UPF2: variants seen among roughly 807,000 people sequenced by gnomAD.
The protein encoded by UPF2 is regulator of nonsense transcripts 2.
UPF2 carries 17 observed loss-of-function variants against 141.4 expected under a neutral mutation model. The observed-to-expected ratio is 0.12, with a 90% CI of 0.08 to 0.18. UPF2 has a LOEUF of 0.18. Among genes scored for constraint, UPF2 ranks in the 10% least tolerant of loss-of-function variants. The pLI is 1.00. For synonymous variants in UPF2, 540 were observed against 498.0 expected, an observed-to-expected ratio of 1.08 and a Z score of -1.12; for missense variants, 1,152 against 1,515.9, an observed-to-expected ratio of 0.76 and a Z score of 3.99.
At chr10:12,038,394 A>T (rs1185429063) in intron 1 of UPF2, among the ~76,000 whole-genome samples, 3 of 150,552 alleles carry the variant, frequency 2.0e-5, no homozygotes, top group Admixed American at 6.7e-5. Context: ...ACACACACAC[A>T]CACACACACA....
At chr10:12,008,710 T>C (rs978168004) in intron 4 of UPF2, among the ~76,000 whole-genome samples, 4 of 150,890 alleles carry the variant, frequency 2.7e-5, no homozygotes, top group Non-Finnish European at 4.4e-5. Flanking sequence ...AGTTCCAAGA[T>C]ACATGTGCAG....
At chr10:12,029,675 T>C in intron 2 of UPF2, 151 bp from the exon 3 acceptor site, 1 of 928,642 alleles carries the variant, frequency 1.1e-6, no homozygotes, top group Non-Finnish European at 1.5e-6. Flanking sequence ...TAAAGACATT[T>C]TACTGGCCAG....
At chr10:11,965,103 G>C (rs758750529) in intron 10 of UPF2, among the ~76,000 whole-genome samples, 11 of 152,116 alleles carry the variant, frequency 7.2e-5, no homozygotes, top group Non-Finnish European at 1.3e-4. Flanking sequence ...TTTCAGATTA[G>C]GAATGCTCAT....
At chr10:12,004,790 A>C in intron 4 of UPF2, 63 bp from the exon 5 acceptor site, 1 of 1,507,848 alleles carries the variant, frequency 6.6e-7, no homozygotes. Context: ...TAAACATGAC[A>C]TAAGTTATTT....
intron 21 of UPF2, among the ~76,000 whole-genome samples, chr10:11,927,388 C>G (rs1267233428): frequency 1.3e-5 from 2 of 152,130 alleles, no homozygotes; most frequent in Non-Finnish European, 2.9e-5. Flanking sequence ...GCAGTTTTTC[C>G]CATTACTTTT....
intron 6 of UPF2, among the ~76,000 whole-genome samples, chr10:12,000,345 A>G (rs1316059913): frequency 1.3e-5 from 2 of 152,164 alleles, no homozygotes; most frequent in Non-Finnish European, 2.9e-5. Flanking sequence ...AGCACTCCCA[A>G]TTCTTGCCTT....
At position 11,999,934 on chromosome 10, in the gene UPF2, T is replaced by C; in HGVS notation, c.1730A>G (p.Asn577Ser). Residue 577 changes from asparagine to serine, a missense_variant, in exon 7 of 22, where the codon AAC becomes AGC. By Grantham distance (46) the Asn-to-Ser change is conservative (BLOSUM62 1). Transcript: ENST00000357604. ...IVDAFLQQLP[N>S]CVNRDLIDKA... is the part of the protein sequence containing the mutation. The stretch of plus-strand genomic sequence containing the variant: ...GTCTATCAGATCTCGGTTGACACAG[T>C]TGGGTAACTGCTGTAGGAAAGCATC... 6.2e-7 allele frequency: 1 copy of C among 1,613,910 alleles called. No individual in the cohort carries two copies. Among genetic ancestry groups the C allele is most frequent in the Non-Finnish European group, 8.5e-7 (1 of 1,179,930 alleles).
Position 12,033,005 on chromosome 10 carries a change from C to T in UPF2, c.365+2054G>A, listed in dbSNP as rs532155706. Among the ~76,000 whole-genome samples, 9 of 152,036 alleles carry T rather than the reference C, an allele frequency of 5.9e-5. No individual in the cohort carries two copies. The South Asian group carries it at 1.9e-3, about 32-fold the overall frequency. ...GTAACAACAGCAATGCCACCATCAC[C>T]CCCCCAAAAATGGGAAGAAAGTAGA... On this transcript the variant is annotated intron_variant, in intron 2 of 21. Transcript: ENST00000357604.
chr10:11,938,861 T>TTTGTTTTTTTTC (rs1564337817), intron 18 of UPF2, among the ~76,000 whole-genome samples: 2 of 73,000 alleles, frequency 2.7e-5, no homozygotes, highest in African/African-American at 1.1e-4. Flanking sequence ...TTGTTTTTTT[T>TTTGTTTTTTTTC]TTTTTTTTTT....
intron 3 of UPF2, among the ~76,000 whole-genome samples, chr10:12,025,819 G>C (rs1834409993): frequency 6.6e-6 from 1 of 152,152 alleles, no homozygotes; most frequent in Admixed American, 6.6e-5. Context: ...TTTCGAGACA[G>C]GGTCTCTCTC....
intron 10 of UPF2, 39 bp from the exon 11 acceptor site, chr10:11,964,164 C>T: frequency 6.8e-7 from 1 of 1,461,836 alleles, no homozygotes; most frequent in Non-Finnish European, 9.5e-7. Context: ...AAAGGCAACT[C>T]TTCAATCCTA....
rs534936485 is a variant in UPF2 at position 11,931,925 on chromosome 10, C to T, written c.3547-143G>A. 2.2e-5 allele frequency: 18 copies of T among 810,916 alleles called. No individual in the cohort carries two copies. The highest frequency in any genetic ancestry group is 1.8e-4 in the African/African-American group (10 of 56,318). The allele number at this position is 810,916 out of a possible 1,614,324, so 50.2% of individuals were successfully genotyped here. On this transcript the variant is annotated intron_variant, in intron 19 of 21. Coordinates refer to ENST00000357604, the MANE Select transcript of UPF2 (RefSeq NM_015542.4). This position sits in a 1 kb window ranked among gnomAD's most constrained non-coding sequence, Gnocchi z 5.9. ...CAGCACTTTGGGAGGCCGAGGCGGG[C>T]GGATCACGAGGTCAAGAGATCAAGA...
chr10:12,022,552 T>C (rs918553427), intron 3 of UPF2, among the ~76,000 whole-genome samples: 3 of 152,208 alleles, frequency 2.0e-5, no homozygotes, highest in African/African-American at 7.2e-5. Flanking sequence ...GTACTACTAC[T>C]ACAGCAAAGT....
rs148524164 is a variant in UPF2 at position 12,032,016 on chromosome 10, G to C, written c.366-2492C>G. On this transcript the variant is annotated intron_variant, in intron 2 of 21. Transcript: ENST00000357604. ...ATTTTAAGAAAGTATGTACAAGGCT[G>C]GGTGCCGTGGCTCACGCCTGTAATC... Among the ~76,000 whole-genome samples, 1,048 of 152,250 alleles carry C rather than the reference G, an allele frequency of 6.9e-3. 7 individuals are homozygous for C. The highest frequency in any genetic ancestry group is 0.011 in the Non-Finnish European group (772 of 68,024).
chr10:12,018,777 AC>A (rs902642858), intron 3 of UPF2, among the ~76,000 whole-genome samples: 1 of 152,042 alleles, frequency 6.6e-6, no homozygotes, highest in Non-Finnish European at 1.5e-5. Context: ...AAATAAATAA[AC>A]CCAAGGATCC....
intron 18 of UPF2, among the ~76,000 whole-genome samples, chr10:11,937,635 A>G (rs1026676070): frequency 1.1e-4 from 17 of 152,188 alleles, no homozygotes; most frequent in African/African-American, 3.9e-4. Flanking sequence ...CTGCAAACAC[A>G]TGACTGATGA....
intron 3 of UPF2, among the ~76,000 whole-genome samples, chr10:12,024,952 A>AAAC (rs1279151585): frequency 4.0e-5 from 6 of 150,238 alleles, no homozygotes; most frequent in Admixed American, 2.7e-4. Context: ...AAAAAAAAAA[A>AAAC]AAAAACACAG....
rs200163094 is a variant in UPF2 at position 12,034,322 on chromosome 10, ATT to A, written c.365+735_365+736del. On this transcript the variant is annotated intron_variant, in intron 2 of 21. Coordinates refer to ENST00000357604, the MANE Select transcript of UPF2 (RefSeq NM_015542.4). ...CATGAAAAAAAGTTTTTATTTTATT[ATT>A]TTATTTTTTTTTTTTTGAGATGCAG... Among the ~76,000 whole-genome samples, 177 of 129,810 alleles carry A rather than the reference ATT, an allele frequency of 1.4e-3. 3 individuals carry two copies. The highest frequency in any genetic ancestry group is 4.8e-3 in the African/African-American group (157 of 32,742). The allele number at this position is 129,810 out of a possible 152,430, so 85.2% of individuals were successfully genotyped here.
intron 21 of UPF2, among the ~76,000 whole-genome samples, chr10:11,922,177 G>T (rs1385081620): frequency 6.6e-6 from 1 of 152,154 alleles, no homozygotes; most frequent in Admixed American, 6.5e-5. Context: ...GGCCTCAGAA[G>T]GAACCAGCCC....
Sources: gnomAD v4.1 joint callset for allele counts (sites outside exome capture counted in the v4.1 genomes callset) on GRCh38, gnomAD v4.1.1 for gene constraint, Gnocchi (gnomAD v3.1) non-coding constraint, MANE v1.5 for transcripts, NCBI Gene and HGNC (gene_info 2026-07-23, HGNC 2026-07-21) for gene names.